The following CNTN5 variants were observed in gnomAD, a reference collection of about 807,000 sequenced individuals.
The protein encoded by CNTN5 is contactin-5.
Under a neutral mutation model 129.1 loss-of-function variants are expected in CNTN5, and 77 were observed. The observed-to-expected ratio is 0.60, with a 90% CI of 0.50 to 0.72. The LOEUF (loss-of-function observed/expected upper bound fraction) is 0.72. Ranked by LOEUF, CNTN5 falls within the 30% of genes least tolerant of loss-of-function variation. CNTN5 has a pLI of 0.00. For synonymous variants in CNTN5, 509 were observed against 465.6 expected, an observed-to-expected ratio of 1.09 and a Z score of -1.20; for missense variants, 1,478 against 1,328.8, an observed-to-expected ratio of 1.11 and a Z score of -1.75.
intron 6 of CNTN5, among the ~76,000 whole-genome samples, chr11:99,913,949 T>G (rs952352076): frequency 5.3e-5 from 8 of 152,220 alleles, no homozygotes; most frequent in Non-Finnish European, 1.0e-4. Flanking sequence ...TGAAACCACA[T>G]AATCCCTAGA....
chr11:99,633,353 G>A (rs1475686270), intron 3 of CNTN5, among the ~76,000 whole-genome samples: 1 of 152,260 alleles, frequency 6.6e-6, no homozygotes, highest in Non-Finnish European at 1.5e-5. Context: ...CTGTACAATA[G>A]AAATATTTCT....
intron 9 of CNTN5, among the ~76,000 whole-genome samples, chr11:100,049,519 G>A (rs1942850475): frequency 6.6e-6 from 1 of 152,032 alleles, no homozygotes; most frequent in African/African-American, 2.4e-5. Flanking sequence ...CCAACCACAG[G>A]TAATTATATT....
chr11:99,329,319 G>A (rs892189791), intron 2 of CNTN5, among the ~76,000 whole-genome samples: 1 of 152,164 alleles, frequency 6.6e-6, no homozygotes, highest in African/African-American at 2.4e-5. Flanking sequence ...TAATATGAAT[G>A]TATGCAAAAT....
chr11:100,066,139 C>A (rs1943687920), intron 10 of CNTN5, among the ~76,000 whole-genome samples: 1 of 152,036 alleles, frequency 6.6e-6, no homozygotes, highest in Non-Finnish European at 1.5e-5. Flanking sequence ...ATATTATCTT[C>A]TATCATCATG....
In CNTN5 at chr11:99,834,756, A is replaced by G. The variant is rs539849068; in HGVS notation, c.278-10096A>G. On this transcript the variant is annotated intron_variant, in intron 4 of 24. Transcript: ENST00000524871. Reference sequence around the variant, plus strand: ...TTTCTCAACTTGCTGAGACTAAGATAGATGGGGTTACTACTAAGGCTCAGG... The same window carrying G: ...TTTCTCAACTTGCTGAGACTAAGATGGATGGGGTTACTACTAAGGCTCAGG... Among the ~76,000 whole-genome samples, 43 of 152,290 alleles carry G rather than the reference A, an allele frequency of 2.8e-4. No individual in the cohort carries two copies. In the South Asian group the frequency reaches 8.9e-3, roughly 32 times the overall value.
chr11:99,224,188 G>C (rs913313560), intron 1 of CNTN5, among the ~76,000 whole-genome samples: 1 of 150,202 alleles, frequency 6.7e-6, no homozygotes, highest in Non-Finnish European at 1.5e-5. Context: ...ATTTAGCTGA[G>C]AGAGCTTCTG....
chr11:99,196,342 A>G (rs2135607440), intron 1 of CNTN5, among the ~76,000 whole-genome samples: 1 of 151,974 alleles, frequency 6.6e-6, no homozygotes, highest in East Asian at 1.9e-4. Context: ...AACAATTGTA[A>G]ATATTTGTAT....
intron 2 of CNTN5, among the ~76,000 whole-genome samples, chr11:99,481,670 C>T (rs577915483): frequency 6.6e-6 from 1 of 152,224 alleles, no homozygotes; most frequent in Admixed American, 6.5e-5. Flanking sequence ...GCTTCAAGCT[C>T]CCCCGTGATT....
At chr11:99,882,339 C>A (rs183483734) in intron 6 of CNTN5, among the ~76,000 whole-genome samples, 1 of 152,216 alleles carries the variant, frequency 6.6e-6, no homozygotes, top group Admixed American at 6.5e-5. Flanking sequence ...TATAAGAGCA[C>A]ACTCACTGCC....
At chr11:99,306,742 T>G (rs1170133534) in intron 1 of CNTN5, among the ~76,000 whole-genome samples, 1 of 28,698 alleles carries the variant, frequency 3.5e-5, no homozygotes, top group Non-Finnish European at 8.2e-5. Flanking sequence ...TCAAAAATAA[T>G]GATGATAATA....
At chr11:100,124,315 T>A (rs530048715) in intron 13 of CNTN5, among the ~76,000 whole-genome samples, 41 of 152,108 alleles carry the variant, frequency 2.7e-4, no homozygotes, top group Middle Eastern at 3.4e-3. Context: ...CCCTTTCCTA[T>A]TATTTGTGCA....
chr11:99,800,755 T>C (rs1946089855), intron 3 of CNTN5, among the ~76,000 whole-genome samples: 1 of 152,176 alleles, frequency 6.6e-6, no homozygotes, highest in South Asian at 2.1e-4. Context: ...TTCTTTTTTA[T>C]TTTCTAATTG....
chr11:99,177,296 T>G (rs2135554844), intron 1 of CNTN5, among the ~76,000 whole-genome samples: 1 of 152,324 alleles, frequency 6.6e-6, no homozygotes, highest in South Asian at 2.1e-4. Context: ...TTTATTTGTT[T>G]ATTTTTGTCC....
At chr11:100,205,922 C>T (rs1242228439) in intron 15 of CNTN5, among the ~76,000 whole-genome samples, 5 of 152,002 alleles carry the variant, frequency 3.3e-5, no homozygotes, top group Non-Finnish European at 7.4e-5. Flanking sequence ...ATCTCAGTTC[C>T]ATGGAAATAA....
chr11:99,838,558 G>C (rs1312161602), intron 4 of CNTN5, among the ~76,000 whole-genome samples: 1 of 152,154 alleles, frequency 6.6e-6, no homozygotes, highest in African/African-American at 2.4e-5. Context: ...GAGTACCTTA[G>C]CTGGGAGGTT....
chr11:99,340,451 T>C (rs1410654106), intron 2 of CNTN5, among the ~76,000 whole-genome samples: 2 of 152,080 alleles, frequency 1.3e-5, no homozygotes, highest in African/African-American at 2.4e-5. Flanking sequence ...AAAAAAAGCC[T>C]GAGAAGGAGC....
intron 6 of CNTN5, among the ~76,000 whole-genome samples, chr11:99,846,473 C>T (rs1367377666): frequency 1.3e-5 from 2 of 150,710 alleles, no homozygotes; most frequent in Non-Finnish European, 2.9e-5. Flanking sequence ...TAAAAATAGG[C>T]TAATAGGTAA....
chr11:99,458,990 G>C (rs1309767604), intron 2 of CNTN5, among the ~76,000 whole-genome samples: 1 of 152,046 alleles, frequency 6.6e-6, no homozygotes, highest in Non-Finnish European at 1.5e-5. Context: ...AACGAAGTCA[G>C]CTTTGTAAGT....
intron 18 of CNTN5, among the ~76,000 whole-genome samples, chr11:100,280,303 A>T (rs957694285): frequency 2.6e-5 from 4 of 151,852 alleles, no homozygotes; most frequent in Non-Finnish European, 5.9e-5. Context: ...TATTGCAGTG[A>T]GGCGTATCTC....
Sources: gnomAD v4.1 joint callset for allele counts (sites outside exome capture counted in the v4.1 genomes callset) on GRCh38, gnomAD v4.1.1 for gene constraint, MANE v1.5 for transcripts, NCBI Gene and HGNC (gene_info 2026-07-23, HGNC 2026-07-21) for gene names.